HAMP: variants seen among roughly 807,000 people sequenced by gnomAD.
HAMP encodes hepcidin antimicrobial peptide.
A neutral mutation model predicts 7.8 loss-of-function variants in HAMP; 5 were observed. That is an observed-to-expected ratio of 0.64 (90% CI 0.33 to 1.34). HAMP has a LOEUF of 1.34. Ranked by LOEUF, HAMP falls within the 40% of genes most tolerant of loss-of-function variation. The probability of loss-of-function intolerance (pLI) is 0.05; values close to 1 mark genes in which losing one functional copy is unlikely to be tolerated. For synonymous variants in HAMP, 52 were observed against 38.6 expected (o/e 1.35, Z -1.28); for missense variants, 105 against 104.1 (o/e 1.01, Z -0.04).
intron 1 of HAMP, 53 bp from the exon 2 acceptor site, chr19:35,284,736 C>CAT: frequency 7.1e-7 from 1 of 1,407,412 alleles, no homozygotes; most frequent in African/African-American, 1.4e-5. Context: ...GAGCCAGTCT[C>CAT]AGAGGTCCAC....
chr19:35,285,109 T>G lies in HAMP; in HGVS notation c.*67T>G. The G allele has an allele frequency of 9.6e-7, 1 of 1,041,216 alleles. No homozygotes were observed. Among genetic ancestry groups the G allele is most frequent in the Non-Finnish European group, 1.5e-6 (1 of 657,266 alleles). 64.5% of individuals were successfully genotyped at this position (1,041,216 alleles called of 1,614,324 possible). On this transcript the variant is annotated 3_prime_UTR_variant, in exon 3 of 3. Transcript: ENST00000222304. Reference sequence around the variant, plus strand: ...TTCCTGCTGCCCCAGAACATAGGTCTTGGAATAAAATGGCTGGTTCTTTTG... The same window carrying G: ...TTCCTGCTGCCCCAGAACATAGGTCGTGGAATAAAATGGCTGGTTCTTTTG...
In HAMP at chr19:35,284,857, A is replaced by G; in HGVS notation, c.150+9A>G. ...CCAGGGCCAGCTGGATGGTGAGCGCAACAGTGATGCCTTTCCTAGCCCCCT... is the reference window on the plus strand; with the variant it reads ...CCAGGGCCAGCTGGATGGTGAGCGCGACAGTGATGCCTTTCCTAGCCCCCT... On this transcript the variant is annotated intron_variant, in intron 2 of 2. Transcript: ENST00000222304. 6.2e-7 allele frequency: 1 copy of G among 1,612,636 alleles called. No homozygotes were observed. Among genetic ancestry groups the G allele is most frequent in the South Asian group, 1.1e-5 (1 of 91,046 alleles).
chr19:35,282,793 TGAACAG>T, intron 1 of HAMP, 126 bp downstream of exon 1: 1 of 802,538 alleles, frequency 1.2e-6, no homozygotes, highest in Non-Finnish European at 2.2e-6. Flanking sequence ...TACTGGCAGC[TGAACAG>T]GAACCAGGAC....
At chr19:35,284,703 C>T (rs773772526) in intron 1 of HAMP, 86 bp from the exon 2 acceptor site, 9 of 1,011,250 alleles carry the variant, frequency 8.9e-6, no homozygotes, top group Non-Finnish European at 1.4e-5. Flanking sequence ...GTTTAAACCA[C>T]TTGGAGAGGA....
At chr19:35,284,635 G>T in intron 1 of HAMP, 154 bp from the exon 2 acceptor site, 1 of 639,826 alleles carries the variant, frequency 1.6e-6, no homozygotes, top group South Asian at 1.8e-5. Flanking sequence ...GCCGCCCATG[G>T]GAAGGTGAGC....
chr19:35,283,132 A>G, intron 1 of HAMP: 1 of 256,984 alleles, frequency 3.9e-6, no homozygotes, highest in South Asian at 4.8e-5. Flanking sequence ...AGGGACTGGA[A>G]GGTCCTAATT....
At chr19:35,284,613 T>G (rs900101071) in intron 1 of HAMP, 176 bp from the exon 2 acceptor site, 8 of 610,966 alleles carry the variant, frequency 1.3e-5, no homozygotes, top group Non-Finnish European at 2.3e-5. Context: ...GAGGTTTTTT[T>G]TTTTAGGAAA....
At position 35,282,609 on chromosome 19, in the gene HAMP, G is replaced by GCCTCCTGCT; in HGVS notation, c.39_47dup (p.Leu16_Leu18dup). The GCCTCCTGCT allele has an allele frequency of 1.9e-6, 3 of 1,614,142 alleles. No individual in the cohort carries two copies. Among genetic ancestry groups the GCCTCCTGCT allele is most frequent in the Non-Finnish European group, 2.5e-6 (3 of 1,180,016 alleles). Reference sequence around the variant, plus strand: ...CTGAGCTCCCAGATCTGGGCCGCTTGCCTCCTGCTCCTCCTCCTCCTCGCC... The same window carrying GCCTCCTGCT: ...CTGAGCTCCCAGATCTGGGCCGCTTGCCTCCTGCTCCTCCTGCTCCTCCTCCTCCTCGCC... On this transcript the variant is annotated inframe_insertion, in exon 1 of 3. Transcript: ENST00000222304.
chr19:35,283,329 A>T (rs988154457), intron 1 of HAMP: 4 of 157,124 alleles, frequency 2.5e-5, no homozygotes, highest in African/African-American at 9.6e-5. Flanking sequence ...CATAACAGAC[A>T]GTGGTAGAGT....
chr19:35,284,630 C>G (rs1310529522), intron 1 of HAMP, 159 bp from the exon 2 acceptor site: 30 of 628,946 alleles, frequency 4.8e-5, no homozygotes, highest in Non-Finnish European at 7.7e-5. Context: ...GAAAAGCCGC[C>G]CATGGGAAGG....
chr19:35,283,134 G>A, intron 1 of HAMP: 1 of 244,424 alleles, frequency 4.1e-6, no homozygotes, highest in South Asian at 5.5e-5. Flanking sequence ...GGACTGGAAG[G>A]TCCTAATTCC....
chr19:35,284,556 T>A, intron 1 of HAMP: 2 of 592,156 alleles, frequency 3.4e-6, no homozygotes, highest in Admixed American at 3.0e-5. Flanking sequence ...GAAGGTGATA[T>A]CCCAAAGAAG....
At chr19:35,283,203 GGCC>G in intron 1 of HAMP, 9 of 182,094 alleles carry the variant, frequency 4.9e-5, no homozygotes, top group South Asian at 4.7e-4. Context: ...GTGGGGACGA[GGCC>G]ATGAACAAGG....
At chr19:35,284,378 A>C in intron 1 of HAMP, 1 of 246,262 alleles carries the variant, frequency 4.1e-6, no homozygotes, top group Non-Finnish European at 8.0e-6. Flanking sequence ...ACAGGAGGTC[A>C]AGGCTGCAGG....
At chr19:35,284,028 CAGGTGATT>C (rs1263549729) in intron 1 of HAMP, 3 of 152,276 alleles carry the variant, frequency 2.0e-5, no homozygotes, top group Admixed American at 6.5e-5. Context: ...CTCCTGACCT[CAGGTGATT>C]CTCCCACCTC....
chr19:35,284,710 A>T, intron 1 of HAMP, 79 bp from the exon 2 acceptor site: 1 of 1,046,376 alleles, frequency 9.6e-7, no homozygotes, highest in Non-Finnish European at 1.5e-6. Context: ...CCACTTGGAG[A>T]GGAGCAGGTT....
At position 35,282,664 on chromosome 19, in the gene HAMP, A is replaced by G. The variant is rs751003644; in HGVS notation, c.87A>G (p.Gln29=). 1.9e-6 allele frequency: 3 copies of G among 1,612,902 alleles called. No individual in the cohort carries two copies. The South Asian group carries it at 3.3e-5, about 18-fold the overall frequency. ...ASLTSGSVFP[Q]QTGQLAELQP... ...TGACCAGTGGCTCTGTTTTCCCACA[A>G]CAGGTGAGAGCCCAGTGGCCTGGGT... The change falls in exon 1 of 3, where the codon CAA becomes CAG. Residue 29 remains glutamine, a synonymous_variant. Coordinates refer to ENST00000222304, the MANE Select transcript of HAMP (RefSeq NM_021175.4).
At position 35,284,931 on chromosome 19, in the gene HAMP, C is replaced by T. The variant is rs1568466083; in HGVS notation, c.151-7C>T. 26 of 1,611,790 alleles carry T rather than the reference C, an allele frequency of 1.6e-5. No homozygotes were observed. The highest frequency in any genetic ancestry group is 2.1e-5 in the Non-Finnish European group (25 of 1,177,892). On this transcript the variant is annotated splice_region_variant and splice_polypyrimidine_tract_variant and intron_variant, in intron 2 of 2. Coordinates refer to ENST00000222304, the MANE Select transcript of HAMP (RefSeq NM_021175.4). ...GTTCCCTGCTCACATTCCCTTCCTT[C>T]CCACAGCCCATGTTCCAGAGGCGAA...
Position 35,282,551 on chromosome 19 carries a change from C to G in HAMP, c.-27C>G. 1 of 1,584,530 alleles carries G rather than the reference C, an allele frequency of 6.3e-7. No individual in the cohort carries two copies. Among genetic ancestry groups the G allele is most frequent in the Middle Eastern group, 1.7e-4 (1 of 6,010 alleles). ...ACACCAGAGCAAGCTCAAGACCCAGCAGTGGGACAGCCAGACAGACGGCAC... is the reference window on the plus strand; with the variant it reads ...ACACCAGAGCAAGCTCAAGACCCAGGAGTGGGACAGCCAGACAGACGGCAC... On this transcript the variant is annotated 5_prime_UTR_variant, in exon 1 of 3. Transcript: ENST00000222304.
Sources: allele counts gnomAD v4.1 joint callset, GRCh38; gene constraint gnomAD v4.1.1; transcripts MANE v1.5; gene names NCBI Gene and HGNC (gene_info 2026-07-23, HGNC 2026-07-21).